Variants in JCAD observed in about 807,000 individuals in gnomAD.
The protein encoded by JCAD is junctional cadherin 5 associated.
JCAD carries 40 observed loss-of-function variants against 98.0 expected under a neutral mutation model. That is an observed-to-expected ratio of 0.41 (90% CI 0.32 to 0.53). The LOEUF (loss-of-function observed/expected upper bound fraction) is 0.53. JCAD is among the 20% of genes least tolerant of loss of function. JCAD has a pLI of 0.31. For missense variants in JCAD, 1,705 were observed against 1,738.1 expected, an observed-to-expected ratio of 0.98 and a Z score of 0.34; for synonymous variants, 691 against 682.3, an observed-to-expected ratio of 1.01 and a Z score of -0.20.
intron 2 of JCAD, among the ~76,000 whole-genome samples, chr10:30,044,389 G>A (rs954779572): frequency 6.6e-6 from 1 of 152,174 alleles, no homozygotes; most frequent in African/African-American, 2.4e-5. Context: ...GGGGTGTTGA[G>A]GACTGGCTCA....
chr10:30,026,317 C>T lies in JCAD; in HGVS notation c.3831G>A (p.Arg1277=). The change falls in exon 3 of 4, where the codon AGG becomes AGA. Residue 1277 remains arginine (R), a synonymous_variant. Coordinates refer to ENST00000375377, the MANE Select transcript of JCAD (RefSeq NM_020848.4). ...CGGCGTCCTCCTGGGAGTCGGCATT[C>T]CTGAAGCTCAGGACTCTCATCCGTG... ...SVSRMRVLSF[R]NADSQEDAEE... 1 of 1,614,144 alleles carries T rather than the reference C, an allele frequency of 6.2e-7. No homozygotes were observed. Among genetic ancestry groups the T allele is most frequent in the Non-Finnish European group, 8.5e-7 (1 of 1,180,050 alleles).
rs751601765 is a variant in JCAD, at chr10:30,029,438, G to A, written c.710C>T (p.Ser237Phe). 1 of 1,614,172 alleles carries A rather than the reference G, an allele frequency of 6.2e-7. No individual in the cohort carries two copies. Among genetic ancestry groups the A allele is most frequent in the South Asian group, 1.1e-5 (1 of 91,070 alleles). ...GKSRSLPRVL[S>F]PESLSCTEIP... ...TTCCGTGCAACTCAGGCTCTCGGGG[G>A]AAAGAACTCTAGGCAGTGAGCGAGA... The change falls in exon 3 of 4, where the codon TCC becomes TTC. Residue 237 changes from serine to phenylalanine, a missense_variant. Around this residue, in one of 3 missense-constraint regions of JCAD, gnomAD observed 275 missense variants for 346.9 expected, o/e 0.79. Coordinates refer to ENST00000375377, the MANE Select transcript of JCAD (RefSeq NM_020848.4).
rs761671362 is a variant in JCAD, at chr10:30,029,802, G to T, written c.346C>A (p.Arg116=). 6 of 1,614,052 alleles carry T rather than the reference G, an allele frequency of 3.7e-6. No individual in the cohort carries two copies. Among genetic ancestry groups the T allele is most frequent in the Non-Finnish European group, 5.1e-6 (6 of 1,180,042 alleles). The change falls in exon 3 of 4, where the codon CGG becomes AGG. Residue 116 remains arginine, a synonymous_variant. Transcript: ENST00000375377. ...CTGGCTTCTTGCCGTCCTCTTCTCC[G>T]GTAGGCTTGGTCGTTACCAGTCGGG... is the stretch of plus-strand genomic sequence containing the variant. ...HPPTGNDQAY[R]RRGRQEARSQ... is the part of the protein sequence containing the mutation.
chr10:30,033,338 T>C (rs1315514192), intron 2 of JCAD, among the ~76,000 whole-genome samples: 3 of 152,216 alleles, frequency 2.0e-5, no homozygotes, highest in African/African-American at 7.2e-5. Context: ...TCTAAAACAC[T>C]TTGAAAAACA....
chr10:30,068,324 G>T lies in JCAD; in HGVS notation n.250+1376C>A, dbSNP rs191395361. On this transcript the variant is annotated intron_variant and non_coding_transcript_variant, in intron 2 of 2. Transcript: ENST00000465712. ...GAGAATCTCTTGAACCCAGGAAGTG[G>T]AGGTTGCAGTGAGCCAAGATTGTGC... Among the ~76,000 whole-genome samples the T allele has an allele frequency of 1.4e-3, 213 of 148,498 alleles. 6 individuals are homozygous for T. In the Admixed American group the frequency reaches 0.014, roughly 10 times the overall value.
chr10:30,085,624 G>A (rs190135112), intron 1 of JCAD, among the ~76,000 whole-genome samples: 12 of 152,250 alleles, frequency 7.9e-5, no homozygotes, highest in Admixed American at 2.0e-4. Flanking sequence ...AGCGAGAATT[G>A]GTTTCAAGAC....
At chr10:30,056,929 C>T (rs1837581870) in intron 1 of JCAD, among the ~76,000 whole-genome samples, 1 of 152,110 alleles carries the variant, frequency 6.6e-6, no homozygotes. Context: ...GTCAGTGGAC[C>T]TCAACATTCC....
At chr10:30,097,978 T>C (rs975962380) in intron 1 of JCAD, among the ~76,000 whole-genome samples, 1 of 151,952 alleles carries the variant, frequency 6.6e-6, no homozygotes, top group Non-Finnish European at 1.5e-5. Context: ...AGAGGGAAAA[T>C]GAGCAACCCT....
chr10:30,109,714 G>A (rs1423691546), intron 1 of JCAD, among the ~76,000 whole-genome samples: 1 of 152,164 alleles, frequency 6.6e-6, no homozygotes, highest in African/African-American at 2.4e-5. Context: ...TCGGCGGGAT[G>A]TGGGGAGGAT....
chr10:30,050,314 C>CAAAAAAAAAAAAAAAAA (rs61421356), intron 1 of JCAD, among the ~76,000 whole-genome samples: 5 of 41,760 alleles, frequency 1.2e-4, no homozygotes, highest in Non-Finnish European at 1.6e-4. Flanking sequence ...GACCCTGTCT[C>CAAAAAAAAAAAAAAAAA]AAAAAAAAAA....
At chr10:30,055,118 T>C (rs1837542956) in intron 1 of JCAD, among the ~76,000 whole-genome samples, 1 of 152,180 alleles carries the variant, frequency 6.6e-6, no homozygotes, top group Non-Finnish European at 1.5e-5. Context: ...TCTTAACCTG[T>C]TTTCAGGAAG....
At position 30,026,171 on chromosome 10, in the gene JCAD, G is replaced by C. The variant is rs761577957; in HGVS notation, c.3977C>G (p.Ser1326Cys). The C allele has an allele frequency of 6.2e-7, 1 of 1,614,142 alleles. No individual in the cohort carries two copies. Among genetic ancestry groups the C allele is most frequent in the East Asian group, 2.2e-5 (1 of 44,882 alleles). ...TGCCGGATGCTCCTTCTCTTCCCTG[G>C]AGATGCTGTCCTTGGACACAGAGAG... ...HSLSVSKDSI[S>C]REEKEHPAAQ... The change falls in exon 3 of 4, where the codon TCC becomes TGC. Residue 1326 changes from serine (S) to cysteine (C), a missense_variant. By Grantham distance (112) the Ser-to-Cys change is moderately radical. This residue lies in a region of JCAD where 1,278 missense variants were observed against 1,243.1 expected (regional missense o/e 1.03). Transcript: ENST00000375377.
At chr10:30,070,076 C>T (rs1022191481) in intron 1 of JCAD, among the ~76,000 whole-genome samples, 3 of 152,072 alleles carry the variant, frequency 2.0e-5, no homozygotes, top group African/African-American at 7.2e-5. Flanking sequence ...GCAAATCAAT[C>T]AAATCGTGCA....
intron 1 of JCAD, among the ~76,000 whole-genome samples, chr10:30,048,437 A>G (rs1482647045): frequency 6.6e-6 from 1 of 152,008 alleles, no homozygotes; most frequent in East Asian, 1.9e-4. Flanking sequence ...CAGGGCAGCC[A>G]CCCCGGGGCA....
At chr10:30,103,654 CT>C (rs1240581127) in intron 1 of JCAD, among the ~76,000 whole-genome samples, 1 of 151,320 alleles carries the variant, frequency 6.6e-6, no homozygotes, top group African/African-American at 2.4e-5. Context: ...ACAGCCAGTT[CT>C]TTTGATCCCA....
chr10:30,054,778 T>G (rs1481543591), intron 1 of JCAD, among the ~76,000 whole-genome samples: 1 of 151,738 alleles, frequency 6.6e-6, no homozygotes, highest in African/African-American at 2.4e-5. Context: ...CACGCCATTC[T>G]CCTGCCTCAG....
chr10:30,092,639 G>A (rs768106267), intron 1 of JCAD, among the ~76,000 whole-genome samples: 1 of 152,158 alleles, frequency 6.6e-6, no homozygotes, highest in African/African-American at 2.4e-5. Context: ...CTTCCTGTGG[G>A]CAGGATGAAT....
chr10:30,026,569 G>A lies in JCAD; in HGVS notation c.3579C>T (p.Pro1193=). 6.2e-7 allele frequency: 1 copy of A among 1,614,180 alleles called. No individual in the cohort carries two copies. The highest frequency in any genetic ancestry group is 8.5e-7 in the Non-Finnish European group (1 of 1,180,038). The change falls in exon 3 of 4, where the codon CCC becomes CCT. Residue 1193 remains proline (P), a synonymous_variant. Transcript: ENST00000375377. Reference sequence around the variant, plus strand: ...CGAAGAACTTGGACTCCAAGGGGCTGGGCTCAGGCTCAGGGACAGGGTCTG... The same window carrying A: ...CGAAGAACTTGGACTCCAAGGGGCTAGGCTCAGGCTCAGGGACAGGGTCTG... ...TSTDPVPEPE[P]SPLESKFFEQ... is the part of the protein sequence containing the mutation.
At chr10:30,099,906 G>A (rs897926435) in intron 1 of JCAD, among the ~76,000 whole-genome samples, 6 of 151,938 alleles carry the variant, frequency 3.9e-5, no homozygotes, top group South Asian at 2.1e-4. Flanking sequence ...AACTCATTCC[G>A]ATTACCTGCT....
Sources: allele counts gnomAD v4.1 joint callset (sites outside exome capture counted in the v4.1 genomes callset), GRCh38; gene constraint gnomAD v4.1.1; regional missense constraint gnomAD v4.1.1; transcripts MANE v1.5; gene names NCBI Gene and HGNC (gene_info 2026-07-23, HGNC 2026-07-21).